Variants in PCDHGB4 observed in about 807,000 individuals in gnomAD.
PCDHGB4 encodes protocadherin gamma-B4.
A neutral mutation model predicts 60.5 loss-of-function variants in PCDHGB4; 38 were observed. That is an observed-to-expected ratio of 0.63 (90% CI 0.48 to 0.82). The LOEUF is 0.82. PCDHGB4 is among the 40% of genes least tolerant of loss of function. PCDHGB4 has a pLI of 0.00. For missense variants in PCDHGB4, 1,109 were observed against 1,209.6 expected (o/e 0.92, Z 1.23); for synonymous variants, 456 against 509.7 (o/e 0.89, Z 1.42).
intron 1 of PCDHGB4, chr5:141,412,160 G>T (rs952899384): frequency 2.0e-5 from 3 of 152,212 alleles, no homozygotes; most frequent in Middle Eastern, 3.2e-3. Flanking sequence ...TAAGAGAAGA[G>T]ATTATTTATA....
intron 2 of PCDHGB4, among the ~76,000 whole-genome samples, chr5:141,502,194 T>C (rs1470985683): frequency 2.6e-5 from 4 of 152,212 alleles, no homozygotes; most frequent in Non-Finnish European, 4.4e-5. Flanking sequence ...TACAATAATA[T>C]AGAATCCACC....
chr5:141,439,190 CA>C (rs200519543), intron 1 of PCDHGB4, among the ~76,000 whole-genome samples: 2,445 of 111,432 alleles, frequency 0.022, 39 homozygotes, highest in African/African-American at 0.057. Flanking sequence ...GAGACTCTGA[CA>C]AAAAAAAAAA....
chr5:141,477,867 C>CGGT lies in PCDHGB4; in HGVS notation c.2398-16940_2398-16939insGGT. On this transcript the variant is annotated intron_variant, in intron 1 of 3. Transcript: ENST00000519479. This position sits in a 1 kb window ranked among gnomAD's most constrained non-coding sequence, Gnocchi z 4.9. ...TCGGTGGAGATGCTGCCTCGAGGTA[C>CGGT]CTCAGCTGGCCACCTAGTGTCACGG... 6.2e-7 allele frequency: 1 copy of CGGT among 1,613,614 alleles called. No homozygotes were observed. Among genetic ancestry groups the CGGT allele is most frequent in the Non-Finnish European group, 8.5e-7 (1 of 1,179,854 alleles).
Position 141,487,007 on chromosome 5 carries a change from G to C in PCDHGB4, c.2398-7800G>C, listed in dbSNP as rs563548715. On this transcript the variant is annotated intron_variant, in intron 1 of 3. Transcript: ENST00000519479. This position sits in a 1 kb window ranked among gnomAD's most constrained non-coding sequence, Gnocchi z 5.0. ...TGCTTGGGTTTCCTATCAGCTCCTG[G>C]AGGCCCCAGATCCCAGCCTGTTTGC... The C allele has an allele frequency of 6.2e-7, 1 of 1,614,206 alleles. No individual in the cohort carries two copies. Among genetic ancestry groups the C allele is most frequent in the Non-Finnish European group, 8.5e-7 (1 of 1,180,042 alleles).
chr5:141,494,820 AC>A lies in PCDHGB4; in HGVS notation c.2412del (p.Asn804LysfsTer39). 6.2e-7 allele frequency: 1 copy of A among 1,613,988 alleles called. No homozygotes were observed. The highest frequency in any genetic ancestry group is 2.2e-5 in the East Asian group (1 of 44,874). On this transcript the variant is annotated frameshift_variant, in exon 2 of 4. Coordinates refer to ENST00000519479, the MANE Select transcript of PCDHGB4 (RefSeq NM_003736.4). LOFTEE classifies it high-confidence loss of function. ...TTTTCTCCACAGCAAGCCCCGCCCA[AC>A]ACGGACTGGCGTTTCTCTCAGGCCC... ...ELTSHQQAPP[N>X]TDWRFSQAQR...
Position 141,489,956 on chromosome 5 carries a change from C to CTCCAACCT in PCDHGB4, c.2398-4845_2398-4838dup, listed in dbSNP as rs1176419823. Reference sequence around the variant, plus strand: ...ATCGTGCTGGACATCAATGATAATGCTCCAACCTTCCAATCCTCAGTTCTA... The same window carrying CTCCAACCT: ...ATCGTGCTGGACATCAATGATAATGCTCCAACCTTCCAACCTTCCAATCCTCAGTTCTA... On this transcript the variant is annotated intron_variant, in intron 1 of 3. Coordinates refer to ENST00000519479, the MANE Select transcript of PCDHGB4 (RefSeq NM_003736.4). The surrounding 1 kb of genome is among the most constrained non-coding windows in gnomAD (Gnocchi z 4.5). 16 of 1,614,012 alleles carry CTCCAACCT rather than the reference C, an allele frequency of 9.9e-6. No individual in the cohort carries two copies. The highest frequency in any genetic ancestry group is 1.4e-5 in the Non-Finnish European group (16 of 1,179,974).
chr5:141,430,635 T>A, intron 1 of PCDHGB4: 3 of 881,948 alleles, frequency 3.4e-6, no homozygotes, highest in Non-Finnish European at 5.0e-6. Flanking sequence ...GAACCATCCC[T>A]GGGAGTATGT....
chr5:141,490,808 A>C lies in PCDHGB4; in HGVS notation c.2398-3999A>C. On this transcript the variant is annotated intron_variant, in intron 1 of 3. Coordinates refer to ENST00000519479, the MANE Select transcript of PCDHGB4 (RefSeq NM_003736.4). The surrounding 1 kb of genome is among the most constrained non-coding windows in gnomAD (Gnocchi z 5.4). The stretch of plus-strand genomic sequence containing the variant: ...CGGATCTTTGCCCAGCGTACCTTTG[A>C]CTATGAATTGCTGCAGATGCTGCAG... 1 of 1,613,884 alleles carries C rather than the reference A, an allele frequency of 6.2e-7. No homozygotes were observed. The highest frequency in any genetic ancestry group is 8.5e-7 in the Non-Finnish European group (1 of 1,179,874).
intron 1 of PCDHGB4, chr5:141,440,019 G>A (rs747595475): frequency 6.5e-5 from 10 of 153,114 alleles, no homozygotes; most frequent in Non-Finnish European, 8.8e-5. Flanking sequence ...AAGGATCTGG[G>A]ACTCAGTGTC....
At chr5:141,466,019 G>C (rs1466918487) in intron 1 of PCDHGB4, among the ~76,000 whole-genome samples, 1 of 152,062 alleles carries the variant, frequency 6.6e-6, no homozygotes, top group African/African-American at 2.4e-5. Flanking sequence ...CTACTCGGGA[G>C]GGTGAGGCAG....
rs1193417991 is a variant in PCDHGB4 at position 141,491,413 on chromosome 5, G to T, written c.2398-3394G>T. The T allele has an allele frequency of 6.2e-7, 1 of 1,614,064 alleles. No individual in the cohort carries two copies. Among genetic ancestry groups the T allele is most frequent in the South Asian group, 1.1e-5 (1 of 91,074 alleles). ...CCTTCAGGGAAACGCAGACGGGGAC[G>T]GGGGTGGAGGGCAGTGCTGCAGGCG... On this transcript the variant is annotated intron_variant, in intron 1 of 3. Transcript: ENST00000519479. This position sits in a 1 kb window ranked among gnomAD's most constrained non-coding sequence, Gnocchi z 6.9.
At chr5:141,492,834 G>T (rs544218873) in intron 1 of PCDHGB4, among the ~76,000 whole-genome samples, 36 of 152,332 alleles carry the variant, frequency 2.4e-4, no homozygotes, top group Non-Finnish European at 4.1e-4. Flanking sequence ...CCTTCCTCCC[G>T]CAGGAAGTGA....
Position 141,511,065 on chromosome 5 carries a change from C to T in PCDHGB4, c.2664C>T (p.Ile888=). Residue 888 remains isoleucine, a synonymous_variant, in exon 4 of 4, where the codon ATC becomes ATT. Transcript: ENST00000519479. ...HVPDYRQNVY[I]PGSNATLTNA... ...CCGACTACCGCCAGAATGTCTACATCCCAGGCAGCAATGCCACACTGACCA... is the reference window on the plus strand; with the variant it reads ...CCGACTACCGCCAGAATGTCTACATTCCAGGCAGCAATGCCACACTGACCA... The T allele has an allele frequency of 6.2e-7, 1 of 1,614,222 alleles. No individual in the cohort carries two copies. Among genetic ancestry groups the T allele is most frequent in the Middle Eastern group, 1.6e-4 (1 of 6,062 alleles).
chr5:141,396,943 G>A (rs1388753275), intron 1 of PCDHGB4, among the ~76,000 whole-genome samples: 6 of 152,178 alleles, frequency 3.9e-5, no homozygotes, highest in African/African-American at 1.2e-4. Flanking sequence ...TGCCCTGGTA[G>A]GAAAGAAAAT....
chr5:141,393,664 T>A, intron 1 of PCDHGB4: 1 of 1,613,772 alleles, frequency 6.2e-7, no homozygotes. Context: ...TTCCGGAAAA[T>A]TAATGAAAAA....
At chr5:141,445,269 C>A (rs535300313) in intron 1 of PCDHGB4, among the ~76,000 whole-genome samples, 1 of 152,260 alleles carries the variant, frequency 6.6e-6, no homozygotes, top group Non-Finnish European at 1.5e-5. Flanking sequence ...AAGTCGAAAC[C>A]ACTCTGCATA....
intron 1 of PCDHGB4, among the ~76,000 whole-genome samples, chr5:141,492,920 G>A (rs2099745093): frequency 6.6e-6 from 1 of 152,198 alleles, no homozygotes; most frequent in African/African-American, 2.4e-5. Context: ...TGTGCCCAGC[G>A]ATCTAGGGTC....
chr5:141,426,768 G>A (rs2096959269), intron 1 of PCDHGB4: 1 of 456,516 alleles, frequency 2.2e-6, no homozygotes, highest in Non-Finnish European at 4.4e-6. Flanking sequence ...TGCAGATGTA[G>A]GGCCTCACTC....
intron 1 of PCDHGB4, among the ~76,000 whole-genome samples, chr5:141,482,985 C>T (rs971017271): frequency 1.3e-5 from 2 of 151,372 alleles, no homozygotes; most frequent in East Asian, 1.9e-4. Context: ...CTTGAGAGGT[C>T]GAGGCAGGAG....
Sources: gnomAD v4.1 joint callset for allele counts (sites outside exome capture counted in the v4.1 genomes callset) on GRCh38, gnomAD v4.1.1 for gene constraint, Gnocchi (gnomAD v3.1) non-coding constraint, MANE v1.5 for transcripts, NCBI Gene and HGNC (gene_info 2026-07-23, HGNC 2026-07-21) for gene names.